The following EFCAB8 variants were observed in gnomAD, a reference collection of about 807,000 sequenced individuals.
EFCAB8 encodes EF-hand calcium binding domain 8.
A neutral mutation model predicts 116.3 loss-of-function variants in EFCAB8; 100 were observed. The observed-to-expected ratio is 0.86, with a 90% CI of 0.73 to 1.02. EFCAB8 has a LOEUF of 1.02. EFCAB8 is among the 50% of genes least tolerant of loss of function. The probability of loss-of-function intolerance (pLI) is 0.00; values close to 1 mark genes in which losing one functional copy is unlikely to be tolerated. For missense variants in EFCAB8, 1,320 were observed against 1,416.9 expected, an observed-to-expected ratio of 0.93 and a Z score of 1.10; for synonymous variants, 558 against 567.9, an observed-to-expected ratio of 0.98 and a Z score of 0.25.
intron 12 of EFCAB8, 52 bp downstream of exon 12, chr20:32,906,681 A>AT: frequency 1.4e-6 from 1 of 717,490 alleles, no homozygotes. Flanking sequence ...GCTGCTGGGG[A>AT]TGGGGGGACC....
intron 1 of EFCAB8, among the ~76,000 whole-genome samples, chr20:32,860,403 C>T (rs186252726): frequency 2.8e-4 from 42 of 149,180 alleles, no homozygotes; most frequent in South Asian, 6.3e-4. Context: ...ATTTTTTTGG[C>T]AATAATACTA....
chr20:32,922,125 G>A (rs1987488004), intron 20 of EFCAB8, among the ~76,000 whole-genome samples: 1 of 152,118 alleles, frequency 6.6e-6, no homozygotes, highest in African/African-American at 2.4e-5. Context: ...CACCACACCT[G>A]GCCATCTTAT....
At chr20:32,901,630 G>A (rs971908065) in intron 11 of EFCAB8, among the ~76,000 whole-genome samples, 12 of 152,246 alleles carry the variant, frequency 7.9e-5, no homozygotes, top group East Asian at 5.8e-4. Flanking sequence ...GTGCTCCTGC[G>A]CCAGGGCCTT....
intron 1 of EFCAB8, among the ~76,000 whole-genome samples, chr20:32,861,401 G>T (rs1383614188): frequency 6.6e-6 from 1 of 152,122 alleles, no homozygotes; most frequent in African/African-American, 2.4e-5. Flanking sequence ...CAGTTCTCCT[G>T]CCTCAGCCTC....
intron 6 of EFCAB8, among the ~76,000 whole-genome samples, chr20:32,885,940 G>A (rs776793770): frequency 1.7e-4 from 26 of 152,128 alleles, no homozygotes; most frequent in Non-Finnish European, 3.1e-4. Flanking sequence ...CTTCTCTTGC[G>A]TCCCCATCTC....
chr20:32,933,511 A>G (rs1461576672), intron 22 of EFCAB8, among the ~76,000 whole-genome samples: 1 of 152,138 alleles, frequency 6.6e-6, no homozygotes, highest in Non-Finnish European at 1.5e-5. Flanking sequence ...GAAGTATGCA[A>G]TATATTACTG....
intron 16 of EFCAB8, 85 bp downstream of exon 16, chr20:32,911,792 TTGTACC>T: frequency 1.5e-6 from 2 of 1,338,868 alleles, no homozygotes; most frequent in Non-Finnish European, 2.1e-6. Flanking sequence ...GCACTATTTT[TTGTACC>T]TCTCTGAAAG....
At chr20:32,934,247 C>T (rs1371796007) in intron 22 of EFCAB8, among the ~76,000 whole-genome samples, 4 of 151,860 alleles carry the variant, frequency 2.6e-5, no homozygotes, top group Non-Finnish European at 5.9e-5. Context: ...ATAATGTCTT[C>T]CAGATTAATC....
intron 7 of EFCAB8, among the ~76,000 whole-genome samples, chr20:32,891,769 G>A (rs1318855376): frequency 1.3e-5 from 2 of 152,182 alleles, no homozygotes; most frequent in Non-Finnish European, 2.9e-5. Flanking sequence ...ACAACATGAC[G>A]GTGAGGCTGT....
intron 3 of EFCAB8, among the ~76,000 whole-genome samples, chr20:32,869,529 C>T (rs991572573): frequency 6.6e-6 from 1 of 152,156 alleles, no homozygotes; most frequent in Non-Finnish European, 1.5e-5. Context: ...AGCTGCTGTG[C>T]CTGGCCAGGT....
chr20:32,905,562 C>T (rs986387162), intron 11 of EFCAB8, among the ~76,000 whole-genome samples: 1 of 152,006 alleles, frequency 6.6e-6, no homozygotes, highest in Non-Finnish European at 1.5e-5. Context: ...GAGTTCCAGA[C>T]CAGCCTGGCC....
chr20:32,899,651 C>T (rs548579031), intron 11 of EFCAB8, among the ~76,000 whole-genome samples: 5 of 151,810 alleles, frequency 3.3e-5, no homozygotes, highest in Admixed American at 1.3e-4. Flanking sequence ...CTCGGCTCGC[C>T]ACAACCTCTG....
chr20:32,960,040 A>T, intron 25 of EFCAB8, 23 bp from the exon 26 acceptor site: 2 of 1,551,638 alleles, frequency 1.3e-6, no homozygotes, highest in Non-Finnish European at 1.7e-6. Context: ...CGCAGCCTTC[A>T]TTCTTGGGCG....
intron 21 of EFCAB8, 33 bp downstream of exon 21, chr20:32,930,649 T>C (rs1987869696): frequency 1.3e-6 from 2 of 1,542,186 alleles, no homozygotes; most frequent in East Asian, 4.9e-5. Flanking sequence ...ATTGAGGGGC[T>C]GGTGCCAGCT....
chr20:32,946,095 T>C (rs1242724945), intron 23 of EFCAB8, among the ~76,000 whole-genome samples: 1 of 152,236 alleles, frequency 6.6e-6, no homozygotes, highest in Non-Finnish European at 1.5e-5. Flanking sequence ...TTGTTTTCTC[T>C]ACTCATTCCA....
chr20:32,889,634 G>C (rs948123865), intron 7 of EFCAB8, among the ~76,000 whole-genome samples: 3 of 152,124 alleles, frequency 2.0e-5, no homozygotes, highest in Middle Eastern at 3.2e-3. Flanking sequence ...AGGCCATACT[G>C]GTCCATCTCT....
At chr20:32,958,674 A>G (rs1351269373) in intron 24 of EFCAB8, 124 bp downstream of exon 24, 4 of 397,104 alleles carry the variant, frequency 1.0e-5, no homozygotes, top group Non-Finnish European at 1.8e-5. Context: ...GAGGACCCTC[A>G]GAAGGCCAGA....
chr20:32,882,987 G>A (rs1389895883), intron 5 of EFCAB8, among the ~76,000 whole-genome samples: 2 of 152,170 alleles, frequency 1.3e-5, no homozygotes, highest in East Asian at 1.9e-4. Context: ...AAGCCACCGC[G>A]CCTGGCCTAG....
chr20:32,905,881 G>A, intron 11 of EFCAB8, among the ~76,000 whole-genome samples: 1 of 151,968 alleles, frequency 6.6e-6, no homozygotes, highest in Admixed American at 6.6e-5. Flanking sequence ...TGGCCCTCCT[G>A]CTGCTTCTGC....
Sources: gnomAD v4.1 joint callset for allele counts (sites outside exome capture counted in the v4.1 genomes callset) on GRCh38, gnomAD v4.1.1 for gene constraint, MANE v1.5 for transcripts, NCBI Gene and HGNC (gene_info 2026-07-23, HGNC 2026-07-21) for gene names.